CCDC7: variants seen among roughly 807,000 people sequenced by gnomAD.
The protein encoded by CCDC7 is coiled-coil domain-containing protein 7.
CCDC7 carries 183 observed loss-of-function variants against 196.9 expected under a neutral mutation model. The ratio of observed to expected loss-of-function variants is 0.93; its 90% confidence interval spans 0.82 to 1.05. The LOEUF is 1.05. CCDC7 is among the 50% of genes least tolerant of loss of function. The pLI is 0.00. For missense variants in CCDC7, 1,540 were observed against 1,482.2 expected, an observed-to-expected ratio of 1.04 and a Z score of -0.64; for synonymous variants, 525 against 484.6, an observed-to-expected ratio of 1.08 and a Z score of -1.10.
intron 26 of CCDC7, among the ~76,000 whole-genome samples, chr10:32,728,036 C>G (rs1276340898): frequency 6.6e-6 from 1 of 152,098 alleles, no homozygotes; most frequent in Non-Finnish European, 1.5e-5. Flanking sequence ...GATCAGAGCC[C>G]AAGCAATCAC....
intron 24 of CCDC7, among the ~76,000 whole-genome samples, chr10:32,703,803 G>A (rs1025106776): frequency 3.9e-5 from 6 of 151,914 alleles, no homozygotes; most frequent in Non-Finnish European, 5.9e-5. Context: ...CCAGTTGATC[G>A]AATCAGCTAC....
Position 32,539,965 on chromosome 10 carries a change from T to TGA in CCDC7, c.994-3332_994-3331dup, listed in dbSNP as rs2051137179. 2.0e-5 allele frequency among the ~76,000 whole-genome samples: 3 copies of TGA among 152,208 alleles called. No homozygotes were observed. The South Asian group carries it at 6.2e-4, about 31-fold the overall frequency. ...TTTTGGAGTATGTGCTATGTCGTGA[T>TGA]GAGAAGAATGTATATTCTGTTGTTT... On this transcript the variant is annotated intron_variant, in intron 11 of 41. Coordinates refer to ENST00000639629, the Ensembl canonical transcript of CCDC7.
At chr10:32,688,175 A>G (rs1348802091) in intron 22 of CCDC7, among the ~76,000 whole-genome samples, 1 of 152,154 alleles carries the variant, frequency 6.6e-6, no homozygotes, top group African/African-American at 2.4e-5. Context: ...ACTGTCGCAC[A>G]CTATCTTAAC....
At chr10:32,798,108 A>G (rs1302046675) in intron 29 of CCDC7, among the ~76,000 whole-genome samples, 1 of 152,208 alleles carries the variant, frequency 6.6e-6, no homozygotes, top group East Asian at 1.9e-4. Flanking sequence ...TTTTGGCAGA[A>G]TCATTGTATG....
At chr10:32,561,122 T>C (rs1318015215) in intron 13 of CCDC7, among the ~76,000 whole-genome samples, 1 of 152,198 alleles carries the variant, frequency 6.6e-6, no homozygotes, top group Non-Finnish European at 1.5e-5. Context: ...GTAACTATCC[T>C]AAATATATAT....
chr10:32,877,021 C>G (rs1458064208), downstream of CCDC7: 2 of 151,904 alleles, frequency 1.3e-5, no homozygotes, highest in Non-Finnish European at 2.9e-5. Context: ...TTTTCCCCAG[C>G]AAGAATCAGA....
At chr10:32,754,172 G>T (rs951393543) in intron 28 of CCDC7, among the ~76,000 whole-genome samples, 52 of 152,164 alleles carry the variant, frequency 3.4e-4, no homozygotes, top group Middle Eastern at 6.8e-3. Flanking sequence ...ATTAGATTTT[G>T]ACTTTTAAAG....
intron 21 of CCDC7, among the ~76,000 whole-genome samples, chr10:32,669,023 G>C (rs1591375974): frequency 6.6e-6 from 1 of 152,082 alleles, no homozygotes; most frequent in East Asian, 1.9e-4. Context: ...TATAATGTTA[G>C]CTGTGGCTTG....
chr10:32,538,613 TG>T (rs1359486130), intron 11 of CCDC7, among the ~76,000 whole-genome samples: 1 of 152,224 alleles, frequency 6.6e-6, no homozygotes, highest in Non-Finnish European at 1.5e-5. Flanking sequence ...TGATGTTGGC[TG>T]TGGTTTTGTC....
At chr10:32,836,413 T>C (rs145076037) in intron 33 of CCDC7, among the ~76,000 whole-genome samples, 145 of 152,196 alleles carry the variant, frequency 9.5e-4, no homozygotes, top group Non-Finnish European at 1.6e-3. Flanking sequence ...AAATATCCAG[T>C]TTTTATTCTA....
At chr10:32,569,975 C>A (rs2057352880) in intron 15 of CCDC7, among the ~76,000 whole-genome samples, 1 of 152,000 alleles carries the variant, frequency 6.6e-6, no homozygotes, top group Non-Finnish European at 1.5e-5. Context: ...TCTTTTTATT[C>A]CATATACTCT....
At chr10:32,848,825 ATATCT>A in intron 39 of CCDC7, 107 bp downstream of exon 40, 1 of 924,958 alleles carries the variant, frequency 1.1e-6, no homozygotes, top group Non-Finnish European at 1.7e-6. Flanking sequence ...TTTTTCAGAA[ATATCT>A]TAGGAAAATT....
rs141997208 is a variant in CCDC7 at position 32,507,591 on chromosome 10, C to G, written c.873-10354C>G. On this transcript the variant is annotated intron_variant, in intron 9 of 41. Coordinates refer to ENST00000639629, the Ensembl canonical transcript of CCDC7. The stretch of plus-strand genomic sequence containing the variant: ...TTAGCCTCCTGAGTAGCTGGAATTA[C>G]AGGCACCTGCCACTATGCCTGGCTA... 6.0e-3 allele frequency among the ~76,000 whole-genome samples: 912 copies of G among 152,190 alleles called. 9 individuals carry two copies. The highest frequency in any genetic ancestry group is 0.021 in the African/African-American group (869 of 41,520).
At chr10:32,684,433 A>G (rs1296295118) in intron 21 of CCDC7, among the ~76,000 whole-genome samples, 1 of 151,992 alleles carries the variant, frequency 6.6e-6, no homozygotes, top group East Asian at 1.9e-4. Context: ...TGGCAGAGGT[A>G]TGTGTCCCCA....
intron 29 of CCDC7, among the ~76,000 whole-genome samples, chr10:32,792,827 G>A (rs571635125): frequency 5.3e-5 from 8 of 152,126 alleles, no homozygotes; most frequent in African/African-American, 1.9e-4. Context: ...AAGCCACAGG[G>A]TAATTATAGC....
chr10:32,798,186 T>G (rs938645065), intron 29 of CCDC7, among the ~76,000 whole-genome samples: 1 of 152,208 alleles, frequency 6.6e-6, no homozygotes, highest in Non-Finnish European at 1.5e-5. Context: ...GCCCTTTCCA[T>G]GATAACAGAG....
intron 9 of CCDC7, 35 bp from the exon 11 acceptor site, chr10:32,517,910 A>C: frequency 6.4e-7 from 1 of 1,573,350 alleles, no homozygotes; most frequent in Non-Finnish European, 8.6e-7. Context: ...ATAAATGTAC[A>C]ATTATAAACA....
chr10:32,705,998 C>A (rs1264373019), intron 24 of CCDC7, among the ~76,000 whole-genome samples: 1 of 152,154 alleles, frequency 6.6e-6, no homozygotes, highest in Non-Finnish European at 1.5e-5. Flanking sequence ...CTTTCCACCA[C>A]AAATCAACAG....
At chr10:32,462,401 G>T (rs927823190) in intron 3 of CCDC7, among the ~76,000 whole-genome samples, 2 of 151,872 alleles carry the variant, frequency 1.3e-5, no homozygotes, top group Admixed American at 1.3e-4. Flanking sequence ...CTCAAGCCTG[G>T]GTGACAGTGA....
Sources: gnomAD v4.1 joint callset for allele counts (sites outside exome capture counted in the v4.1 genomes callset) on GRCh38, gnomAD v4.1.1 for gene constraint, MANE v1.5 for transcripts, NCBI Gene and HGNC (gene_info 2026-07-23, HGNC 2026-07-21) for gene names.